Variants in NDUFAF6 observed in about 807,000 individuals in gnomAD.
NDUFAF6 encodes the protein NADH dehydrogenase (ubiquinone) complex I, assembly factor 6.
Under a neutral mutation model 40.8 loss-of-function variants are expected in NDUFAF6, and 45 were observed. The ratio of observed to expected loss-of-function variants is 1.10; its 90% CI spans 0.87 to 1.42. NDUFAF6 has a LOEUF of 1.42. Among genes scored for constraint, NDUFAF6 ranks in the 40% most tolerant of loss-of-function variants. The probability of loss-of-function intolerance (pLI) is 0.00; values close to 1 mark genes in which losing one functional copy is unlikely to be tolerated. For missense variants in NDUFAF6, 435 were observed against 418.5 expected, an observed-to-expected ratio of 1.04 and a Z score of -0.34; for synonymous variants, 185 against 155.9, an observed-to-expected ratio of 1.19 and a Z score of -1.39.
chr8:95,035,929 A>C (rs1458800161), intron 3 of NDUFAF6, among the ~76,000 whole-genome samples: 1 of 152,186 alleles, frequency 6.6e-6, no homozygotes, highest in Non-Finnish European at 1.5e-5. Flanking sequence ...AGCTCCTTAT[A>C]CCAGTGTTTT....
At chr8:95,095,384 T>G (rs1249896308) in intron 2 of NDUFAF6, among the ~76,000 whole-genome samples, 1 of 152,096 alleles carries the variant, frequency 6.6e-6, no homozygotes, top group Non-Finnish European at 1.5e-5. Context: ...CCGAATGGGA[T>G]CCAGGTCATT....
intron 9 of NDUFAF6, among the ~76,000 whole-genome samples, chr8:95,065,407 A>G (rs1436864393): frequency 2.0e-5 from 3 of 152,194 alleles, no homozygotes; most frequent in Non-Finnish European, 4.4e-5. Flanking sequence ...ATTTCTACTG[A>G]CAACCACTAT....
At chr8:94,922,245 T>C (rs999992875) in intron 1 of NDUFAF6, among the ~76,000 whole-genome samples, 2 of 151,784 alleles carry the variant, frequency 1.3e-5, no homozygotes, top group Non-Finnish European at 2.9e-5. Context: ...CTCCTGACCT[T>C]GTGATCTGCC....
intron 2 of NDUFAF6, among the ~76,000 whole-genome samples, chr8:95,010,747 G>A (rs1331101292): frequency 6.6e-6 from 1 of 152,164 alleles, no homozygotes; most frequent in African/African-American, 2.4e-5. Context: ...AATCCTACTA[G>A]TGTTAAAGTT....
chr8:95,008,537 AC>A (rs1427650152), intron 2 of NDUFAF6, among the ~76,000 whole-genome samples: 2 of 151,904 alleles, frequency 1.3e-5, no homozygotes, highest in Non-Finnish European at 2.9e-5. Context: ...TGGAGTTTTC[AC>A]TCTTGTTGCC....
chr8:94,948,054 G>C (rs540001009), intron 2 of NDUFAF6, among the ~76,000 whole-genome samples: 8 of 152,246 alleles, frequency 5.3e-5, no homozygotes, highest in African/African-American at 1.9e-4. Flanking sequence ...CAAAACTATT[G>C]TGCATTGAGA....
At chr8:94,957,371 G>GGA (rs1823173413), upstream of NDUFAF6, among the ~76,000 whole-genome samples, 1 of 152,150 alleles carries the variant, frequency 6.6e-6, no homozygotes, top group Non-Finnish European at 1.5e-5. Flanking sequence ...AAGGAGCTAG[G>GGA]GAGAGATTAT....
At chr8:94,959,502 T>C (rs988556992) in intron 1 of NDUFAF6, among the ~76,000 whole-genome samples, 2 of 151,700 alleles carry the variant, frequency 1.3e-5, no homozygotes, top group South Asian at 4.2e-4. Context: ...TGACTTAGCA[T>C]TGGCCAATTT....
intron 1 of NDUFAF6, among the ~76,000 whole-genome samples, chr8:94,944,193 A>G (rs554276466): frequency 6.6e-6 from 1 of 152,344 alleles, no homozygotes; most frequent in Admixed American, 6.5e-5. Context: ...GCCCTGAATC[A>G]GCTAAAGCCA....
intron 1 of NDUFAF6, among the ~76,000 whole-genome samples, chr8:95,028,542 C>T (rs771642633): frequency 2.0e-5 from 3 of 152,118 alleles, no homozygotes; most frequent in Non-Finnish European, 4.4e-5. Flanking sequence ...ACGGCAGATC[C>T]TTGGCTGTGT....
At chr8:94,998,405 C>CAT (rs1826558492) in intron 2 of NDUFAF6, among the ~76,000 whole-genome samples, 1 of 151,958 alleles carries the variant, frequency 6.6e-6, no homozygotes, top group Admixed American at 6.6e-5. Context: ...CACACACACA[C>CAT]ACACACACAC....
intron 2 of NDUFAF6, among the ~76,000 whole-genome samples, chr8:95,093,754 T>C (rs1221568726): frequency 1.3e-5 from 2 of 152,224 alleles, no homozygotes; most frequent in East Asian, 3.8e-4. Context: ...GGTCAACAGT[T>C]GGGAGGCTTA....
At chr8:95,115,415 G>A (rs1563875348) in intron 4 of NDUFAF6, 1 of 152,150 alleles carries the variant, frequency 6.6e-6, no homozygotes, top group Non-Finnish European at 1.5e-5. Context: ...TCATTTCTTG[G>A]AGACTTCTCT....
chr8:94,954,747 T>C (rs1822929147), upstream of NDUFAF6, among the ~76,000 whole-genome samples: 1 of 152,228 alleles, frequency 6.6e-6, no homozygotes, highest in African/African-American at 2.4e-5. Context: ...TGATCTGGTA[T>C]CTGATGGTGA....
intron 2 of NDUFAF6, among the ~76,000 whole-genome samples, chr8:95,002,338 G>A (rs1488444565): frequency 2.0e-5 from 3 of 152,082 alleles, no homozygotes; most frequent in Admixed American, 6.6e-5. Context: ...TTGAACAAGC[G>A]CTGTGAGCCC....
At chr8:95,029,305 G>T (rs956562264) in intron 1 of NDUFAF6, among the ~76,000 whole-genome samples, 1 of 152,086 alleles carries the variant, frequency 6.6e-6, no homozygotes. Context: ...TCAAGTAATT[G>T]TAAATTTACA....
rs140726768 is a variant in NDUFAF6, at chr8:95,086,603, C to CT, written n.213+10867dup. On this transcript the variant is annotated intron_variant and non_coding_transcript_variant, in intron 2 of 5. Transcript: ENST00000523184. Reference sequence around the variant, plus strand: ...GTCTCTCTCTTTTTTCTTTTCTTTTCTTTTTTTTTTTTTTTTCGAGACGGA... The same window carrying CT: ...GTCTCTCTCTTTTTTCTTTTCTTTTCTTTTTTTTTTTTTTTTTCGAGACGGA... Among the ~76,000 whole-genome samples, 668 of 136,044 alleles carry CT rather than the reference C, an allele frequency of 4.9e-3. 4 individuals are homozygous for CT. The highest frequency in any genetic ancestry group is 8.3e-3 in the African/African-American group (305 of 36,954). The allele number at this position is 136,044 out of a possible 152,430, so 89.3% of individuals were successfully genotyped here.
downstream of NDUFAF6, among the ~76,000 whole-genome samples, chr8:95,104,133 T>C (rs1366313889): frequency 1.3e-5 from 2 of 152,114 alleles, no homozygotes; most frequent in Non-Finnish European, 1.5e-5. Flanking sequence ...TGCCTCCACC[T>C]CCCAAAGTAC....
downstream of NDUFAF6, chr8:95,078,507 A>G (rs1808702918): frequency 6.6e-6 from 1 of 151,924 alleles, no homozygotes; most frequent in African/African-American, 2.4e-5. Flanking sequence ...TTAGCCCGGC[A>G]TGATCACACT....
Sources: allele counts gnomAD v4.1 joint callset (sites outside exome capture counted in the v4.1 genomes callset), GRCh38; gene constraint gnomAD v4.1.1; transcripts MANE v1.5; gene names NCBI Gene and HGNC (gene_info 2026-07-23, HGNC 2026-07-21).